Variants in NLRP4 observed in about 807,000 individuals in gnomAD.
The protein encoded by NLRP4 is NLR family pyrin domain containing 4.
In NLRP4, 44 loss-of-function variants were observed where a neutral mutation model predicts 84.7. The observed-to-expected ratio is 0.52, with a 90% confidence interval of 0.41 to 0.67. The LOEUF (loss-of-function observed/expected upper bound fraction) is 0.67. NLRP4 is among the 30% of genes least tolerant of loss of function. The pLI, the probability that NLRP4 is intolerant of heterozygous loss-of-function variation, is 0.00. For synonymous variants in NLRP4, 544 were observed against 476.4 expected (o/e 1.14, Z -1.85); for missense variants, 1,260 against 1,219.4 (o/e 1.03, Z -0.50).
At chr19:55,877,917 T>C (rs1445071680) in intron 8 of NLRP4, among the ~76,000 whole-genome samples, 2 of 152,136 alleles carry the variant, frequency 1.3e-5, no homozygotes, top group Admixed American at 1.3e-4. Flanking sequence ...CTTCAACGTA[T>C]AAATTTTGGC....
intron 1 of NLRP4, among the ~76,000 whole-genome samples, chr19:55,841,628 C>T (rs183510515): frequency 1.6e-4 from 24 of 152,122 alleles, no homozygotes; most frequent in South Asian, 1.5e-3. Flanking sequence ...TTTGGGAGGC[C>T]GAGGCAGGCA....
At chr19:55,848,922 C>A (rs1180098105) in intron 1 of NLRP4, among the ~76,000 whole-genome samples, 1 of 152,108 alleles carries the variant, frequency 6.6e-6, no homozygotes, top group Non-Finnish European at 1.5e-5. Context: ...TAAGGGGAAA[C>A]CCCTGTCGTT....
intron 9 of NLRP4, 132 bp from the exon 10 acceptor site, chr19:55,881,338 A>G (rs569010171): frequency 8.6e-6 from 5 of 581,450 alleles, no homozygotes; most frequent in South Asian, 8.6e-5. Context: ...TTTGATGTGT[A>G]TGTCTTTCCT....
chr19:55,853,606 C>T (rs545783836), intron 2 of NLRP4, among the ~76,000 whole-genome samples: 5 of 152,316 alleles, frequency 3.3e-5, no homozygotes, highest in Non-Finnish European at 7.3e-5. Context: ...GATGAGCTCT[C>T]ACTATATTGC....
intron 7 of NLRP4, among the ~76,000 whole-genome samples, chr19:55,874,562 T>C (rs948063865): frequency 6.6e-5 from 10 of 152,178 alleles, no homozygotes; most frequent in Admixed American, 2.6e-4. Flanking sequence ...GCTTCTAAAA[T>C]GATAGAACCT....
At chr19:55,857,325 A>ATG (rs35115500) in intron 2 of NLRP4, 28,696 of 271,984 alleles carry the variant, frequency 0.11, 906 homozygotes, top group Middle Eastern at 0.16. Context: ...GTAGCAATGA[A>ATG]TGTGTGTGTG....
At chr19:55,863,297 C>T (rs970652440) in intron 5 of NLRP4, among the ~76,000 whole-genome samples, 5 of 152,140 alleles carry the variant, frequency 3.3e-5, no homozygotes, top group African/African-American at 9.7e-5. Flanking sequence ...CACACGTTCT[C>T]GCGCTGCTAT....
At position 55,867,823 on chromosome 19, in the gene NLRP4, G is replaced by C. The variant is rs749878955; in HGVS notation, c.2301G>C (p.Val767=). The C allele has an allele frequency of 1.4e-5, 23 of 1,614,076 alleles. No homozygotes were observed. Among genetic ancestry groups the C allele is most frequent in the Non-Finnish European group, 1.7e-5 (20 of 1,180,018 alleles). The part of the protein sequence containing the change: ...NVSCNQLDTG[V]PLLCEALCSP... The stretch of plus-strand genomic sequence containing the variant: ...CCTGCAACCAGTTAGACACAGGCGT[G>C]CCCCTTTTGTGTGAAGCCCTGTGCA... Residue 767 remains valine (V), a synonymous_variant, in exon 6 of 10, where the codon GTG becomes GTC. Transcript: ENST00000301295.
Position 55,867,709 on chromosome 19 carries a change from G to A in NLRP4, c.2187G>A (p.Ala729=), listed in dbSNP as rs766723439. The change falls in exon 6 of 10, where the codon GCG becomes GCA. Residue 729 remains alanine (A), a splice_region_variant and synonymous_variant. Coordinates refer to ENST00000301295, the MANE Select transcript of NLRP4 (RefSeq NM_134444.5). The stretch of plus-strand genomic sequence containing the variant: ...ATGTGACATTTTCCCTTTCCTGCAG[G>A]CTGGTAAATTGTCACCTCTCACCCA... ...NYPAGNVKEL[A]LVNCHLSPID... is the part of the protein sequence containing the mutation. 7 of 1,612,626 alleles carry A rather than the reference G, an allele frequency of 4.3e-6. No homozygotes were observed. The highest frequency in any genetic ancestry group is 1.3e-5 in the African/African-American group (1 of 74,884).
In NLRP4 at chr19:55,880,886, A is replaced by G. The variant is rs562615019; in HGVS notation, c.2868-584A>G. On this transcript the variant is annotated intron_variant, in intron 9 of 9. Transcript: ENST00000301295. ...TATGCTACCTCATAAGGCAGTTGTGAACATTTAATGAGATAGGCATGTAAA... is the reference window on the plus strand; with the variant it reads ...TATGCTACCTCATAAGGCAGTTGTGGACATTTAATGAGATAGGCATGTAAA... Among the ~76,000 whole-genome samples, 20 of 152,346 alleles carry G rather than the reference A, an allele frequency of 1.3e-4. No individual in the cohort carries two copies. In the East Asian group the frequency reaches 3.9e-3, roughly 29 times the overall value.
intron 9 of NLRP4, among the ~76,000 whole-genome samples, chr19:55,879,442 T>G (rs1437662161): frequency 6.6e-6 from 1 of 152,052 alleles, no homozygotes; most frequent in Non-Finnish European, 1.5e-5. Context: ...AAAAACTGGT[T>G]AGGACCAGGT....
At chr19:55,848,190 G>T (rs552700436) in intron 1 of NLRP4, among the ~76,000 whole-genome samples, 1 of 152,218 alleles carries the variant, frequency 6.6e-6, no homozygotes, top group Non-Finnish European at 1.5e-5. Context: ...TTCATGTTGG[G>T]TTTGTGTGAC....
In NLRP4 at chr19:55,878,963, G is replaced by A. The variant is rs772639666; in HGVS notation, c.2866G>A (p.Gly956Arg). The change falls in exon 9 of 10, where the codon GGG becomes AGG. Residue 956 changes from glycine to arginine, a missense_variant and splice_region_variant. By Grantham distance (125) the Gly-to-Arg change is moderately radical. This residue lies in a region of NLRP4 where 544 missense variants were observed against 531.7 expected (regional missense o/e 1.02). Coordinates refer to ENST00000301295, the MANE Select transcript of NLRP4 (RefSeq NM_134444.5). ...CCCAGAGTGTGCCCTGCAGGTGCTCGGGTGAGCTGGGGTCTGTTGTGCTCT... is the reference window on the plus strand; with the variant it reads ...CCCAGAGTGTGCCCTGCAGGTGCTCAGGTGAGCTGGGGTCTGTTGTGCTCT... ...RHPECALQVL[G>R]LRKTDFDEET... 33 of 1,611,368 alleles carry A rather than the reference G, an allele frequency of 2.0e-5. No individual in the cohort carries two copies. The highest frequency in any genetic ancestry group is 5.3e-5 in the African/African-American group (4 of 74,878).
chr19:55,871,645 A>G (rs1985188794), intron 7 of NLRP4, among the ~76,000 whole-genome samples: 1 of 152,188 alleles, frequency 6.6e-6, no homozygotes, highest in Non-Finnish European at 1.5e-5. Context: ...TACCTAATCC[A>G]TTAGGAAATC....
At chr19:55,866,875 G>A (rs2123050031) in intron 5 of NLRP4, among the ~76,000 whole-genome samples, 1 of 152,290 alleles carries the variant, frequency 6.6e-6, no homozygotes, top group Admixed American at 6.5e-5. Context: ...GGGACATGGG[G>A]ACTTGGGAAT....
At chr19:55,846,172 C>T (rs966057625) in intron 1 of NLRP4, among the ~76,000 whole-genome samples, 6 of 152,154 alleles carry the variant, frequency 3.9e-5, no homozygotes, top group Non-Finnish European at 7.4e-5. Flanking sequence ...ATGTAAGTCT[C>T]TAATCCATCT....
chr19:55,865,426 A>G (rs1310312327), intron 5 of NLRP4, among the ~76,000 whole-genome samples: 1 of 152,172 alleles, frequency 6.6e-6, no homozygotes, highest in East Asian at 1.9e-4. Context: ...TGATGAGCAT[A>G]CAAGTGCAGG....
intron 2 of NLRP4, among the ~76,000 whole-genome samples, chr19:55,854,370 T>A (rs781104902): frequency 7.2e-5 from 11 of 152,204 alleles, no homozygotes; most frequent in Non-Finnish European, 1.2e-4. Flanking sequence ...TCTATTTTAT[T>A]GAGCATTTTA....
At chr19:55,854,635 T>C (rs1183787872) in intron 2 of NLRP4, among the ~76,000 whole-genome samples, 2 of 152,222 alleles carry the variant, frequency 1.3e-5, no homozygotes, top group East Asian at 3.8e-4. Flanking sequence ...ATAAAATAAT[T>C]TGAGAGTTTC....
Sources: gnomAD v4.1 joint callset for allele counts (sites outside exome capture counted in the v4.1 genomes callset) on GRCh38, gnomAD v4.1.1 for gene constraint, gnomAD v4.1.1 regional missense constraint, MANE v1.5 for transcripts, NCBI Gene and HGNC (gene_info 2026-07-23, HGNC 2026-07-21) for gene names.